ADCY9: variants seen among roughly 807,000 people sequenced by gnomAD.
The protein encoded by ADCY9 is adenylate cyclase type 9.
Under a neutral mutation model 101.5 loss-of-function variants are expected in ADCY9, and 50 were observed. That is an observed-to-expected ratio of 0.49 (90% CI 0.39 to 0.62). The LOEUF (loss-of-function observed/expected upper bound fraction) is 0.62, where lower values mean the gene tolerates loss of function less well. Among genes scored for constraint, ADCY9 ranks in the 20% least tolerant of loss-of-function variants. The pLI is 0.00. For synonymous variants in ADCY9, 905 were observed against 769.3 expected, an observed-to-expected ratio of 1.18 and a Z score of -2.92; for missense variants, 1,662 against 1,800.4, an observed-to-expected ratio of 0.92 and a Z score of 1.39.
intron 2 of ADCY9, among the ~76,000 whole-genome samples, chr16:4,014,257 TGCAGTCAGCCGAGATC>T (rs1313376178): frequency 1.3e-5 from 2 of 148,828 alleles, no homozygotes; most frequent in African/African-American, 2.5e-5. Flanking sequence ...AGGCGGAGGT[TGCAGTCAGCCGAGATC>T]GCACCATTGC....
chr16:4,087,433 G>C (rs2056945849), intron 2 of ADCY9, among the ~76,000 whole-genome samples: 1 of 151,656 alleles, frequency 6.6e-6, no homozygotes, highest in South Asian at 2.1e-4. Flanking sequence ...CTTCTTGGGA[G>C]GCCGAGACAT....
intron 2 of ADCY9, among the ~76,000 whole-genome samples, chr16:4,021,589 C>G (rs917835178): frequency 6.6e-6 from 1 of 152,246 alleles, no homozygotes; most frequent in African/African-American, 2.4e-5. Context: ...GGCCAAACGC[C>G]TGCCCCCTGC....
rs189167463 is a variant in ADCY9, at chr16:4,022,416, G to A, written c.1694-14858C>T. On this transcript the variant is annotated intron_variant, in intron 2 of 10. Coordinates refer to ENST00000294016, the MANE Select transcript of ADCY9 (RefSeq NM_001116.4). Reference sequence around the variant, plus strand: ...TGAGGCATGAGAATGGCGTGAACCCGGGAAGCGGAGCTTGCAGTGAGCCGA... The same window carrying A: ...TGAGGCATGAGAATGGCGTGAACCCAGGAAGCGGAGCTTGCAGTGAGCCGA... Among the ~76,000 whole-genome samples the A allele has an allele frequency of 2.8e-3, 423 of 149,380 alleles. 2 individuals are homozygous for A. Among genetic ancestry groups the A allele is most frequent in the Non-Finnish European group, 5.1e-3 (345 of 67,740 alleles).
At chr16:3,969,569 A>AATACATATATATATAT (rs1451993942) in intron 10 of ADCY9, among the ~76,000 whole-genome samples, 12 of 45,240 alleles carry the variant, frequency 2.7e-4, no homozygotes, top group Non-Finnish European at 4.8e-4. Context: ...GTTTGTTTGA[A>AATACATATATATATAT]ATATATATAT....
At chr16:4,025,423 G>A (rs1362327140) in intron 2 of ADCY9, among the ~76,000 whole-genome samples, 1 of 150,920 alleles carries the variant, frequency 6.6e-6, no homozygotes, top group African/African-American at 2.4e-5. Context: ...GCAGAGAGAA[G>A]ATGAGGCCAC....
intron 2 of ADCY9, among the ~76,000 whole-genome samples, chr16:4,008,347 G>A (rs1354264429): frequency 1.3e-5 from 2 of 152,194 alleles, no homozygotes; most frequent in Admixed American, 6.5e-5. Flanking sequence ...AATCTGCTGG[G>A]AAGATGGCAA....
chr16:4,105,856 G>GA (rs1169716581), intron 2 of ADCY9, among the ~76,000 whole-genome samples: 2 of 151,668 alleles, frequency 1.3e-5, no homozygotes, highest in Admixed American at 6.6e-5. Context: ...AAAAAGAAAA[G>GA]AAAAAAAACC....
Position 4,115,097 on chromosome 16 carries a change from A to G in ADCY9, c.346T>C (p.Phe116Leu), listed in dbSNP as rs1597237616. The G allele has an allele frequency of 1.2e-6, 2 of 1,613,896 alleles. No individual in the cohort carries two copies. The highest frequency in any genetic ancestry group is 1.7e-6 in the Non-Finnish European group (2 of 1,180,026). Residue 116 changes from phenylalanine (F) to leucine (L), a missense_variant, in exon 2 of 11, where the codon TTC becomes CTC. Phe to Leu is a conservative substitution (Grantham distance 22). Coordinates refer to ENST00000294016, the MANE Select transcript of ADCY9 (RefSeq NM_001116.4). The surrounding 1 kb of genome is among the most constrained non-coding windows in gnomAD (Gnocchi z 6.2). Reference protein sequence around the residue: ...ERCFPQTQRRFRYALFYIGFA... With the variant: ...ERCFPQTQRRLRYALFYIGFA... ...CCGATGTAGAAGAGCGCATACCGGA[A>G]CCGGCGCTGGGTCTGCGGGAAGCAG...
chr16:4,079,330 A>G (rs1418900745), intron 2 of ADCY9, among the ~76,000 whole-genome samples: 1 of 152,194 alleles, frequency 6.6e-6, no homozygotes, highest in Non-Finnish European at 1.5e-5. Flanking sequence ...GCACTTTGGG[A>G]GGCCAAGGTG....
At chr16:3,959,953 G>A (rs944099908), downstream of ADCY9, among the ~76,000 whole-genome samples, 1 of 152,202 alleles carries the variant, frequency 6.6e-6, no homozygotes, top group African/African-American at 2.4e-5. Flanking sequence ...TTGAACCCAG[G>A]AGGTGGAGGT....
intron 2 of ADCY9, among the ~76,000 whole-genome samples, chr16:4,010,613 C>T (rs1330928240): frequency 6.6e-6 from 1 of 152,150 alleles, no homozygotes; most frequent in Non-Finnish European, 1.5e-5. Context: ...GTGTGGAGCC[C>T]ATTACCTGAA....
chr16:4,000,440 G>C (rs913944749), intron 3 of ADCY9, among the ~76,000 whole-genome samples: 37 of 152,324 alleles, frequency 2.4e-4, no homozygotes, highest in Non-Finnish European at 1.0e-4. Context: ...TGGCATTGCT[G>C]TTTAAGCTAA....
chr16:4,040,458 A>ATT lies in ADCY9; in HGVS notation c.1694-32902_1694-32901dup, dbSNP rs35756805. Among the ~76,000 whole-genome samples, 787 of 144,290 alleles carry ATT rather than the reference A, an allele frequency of 5.5e-3. 6 individuals are homozygous for ATT. Among genetic ancestry groups the ATT allele is most frequent in the South Asian group, 0.012 (55 of 4,516 alleles). The allele number at this position is 144,290 out of a possible 152,430, so 94.7% of individuals were successfully genotyped here. A position where few individuals can be genotyped will look rare whatever the true frequency, so the allele number is the denominator to read the frequency against. On this transcript the variant is annotated intron_variant, in intron 2 of 10. Transcript: ENST00000294016. ...TGCTCATTAAAATGACATCTTCTTA[A>ATT]TTTTTTTTTTTTTTTTGAGATAGAG...
chr16:4,017,033 G>C (rs960864089), intron 2 of ADCY9, among the ~76,000 whole-genome samples: 4 of 152,146 alleles, frequency 2.6e-5, no homozygotes, highest in African/African-American at 9.7e-5. Context: ...GTGTGGTGGT[G>C]CATTTCTGTG....
At chr16:4,020,518 T>G (rs890885682) in intron 2 of ADCY9, among the ~76,000 whole-genome samples, 2 of 152,132 alleles carry the variant, frequency 1.3e-5, no homozygotes, top group East Asian at 1.9e-4. Context: ...ATAGCAGGGA[T>G]AGCCAATTAC....
chr16:4,102,180 A>G (rs1356775541), intron 2 of ADCY9, among the ~76,000 whole-genome samples: 2 of 152,134 alleles, frequency 1.3e-5, no homozygotes, highest in South Asian at 2.1e-4. Context: ...TCGAGTCACT[A>G]TGCAAATAAG....
intron 2 of ADCY9, among the ~76,000 whole-genome samples, chr16:4,066,169 C>T (rs1177682108): frequency 6.6e-6 from 1 of 152,218 alleles, no homozygotes; most frequent in Non-Finnish European, 1.5e-5. Context: ...GTTCCATCTA[C>T]ATCTCATTAT....
chr16:4,084,003 CT>C (rs1487999327), intron 2 of ADCY9, among the ~76,000 whole-genome samples: 1 of 152,158 alleles, frequency 6.6e-6, no homozygotes, highest in Non-Finnish European at 1.5e-5. Flanking sequence ...CTCAATAAAG[CT>C]TTCTTTTGTT....
intron 6 of ADCY9, among the ~76,000 whole-genome samples, chr16:3,985,601 T>G (rs1336863389): frequency 6.6e-6 from 1 of 152,156 alleles, no homozygotes; most frequent in Non-Finnish European, 1.5e-5. Context: ...TGCCCACATG[T>G]GAGGCCGGAA....
Sources: gnomAD v4.1 joint callset for allele counts (sites outside exome capture counted in the v4.1 genomes callset) on GRCh38, gnomAD v4.1.1 for gene constraint, Gnocchi (gnomAD v3.1) non-coding constraint, MANE v1.5 for transcripts, NCBI Gene and HGNC (gene_info 2026-07-23, HGNC 2026-07-21) for gene names.